The following DPP6 variants were observed in gnomAD, a reference collection of about 807,000 sequenced individuals.
DPP6 encodes the protein A-type potassium channel modulatory protein DPP6.
In DPP6, 69 loss-of-function variants were observed where a neutral mutation model predicts 122.6. The ratio of observed to expected loss-of-function variants is 0.56; its 90% CI spans 0.46 to 0.69. DPP6 has a LOEUF of 0.69. Among genes scored for constraint, DPP6 ranks in the 30% least tolerant of loss-of-function variants. The pLI, the probability that DPP6 is intolerant of heterozygous loss-of-function variation, is 0.00. For synonymous variants in DPP6, 418 were observed against 433.1 expected (o/e 0.97, Z 0.43); for missense variants, 928 against 1,116.9 (o/e 0.83, Z 2.41).
chr7:154,192,827 G>A (rs904200856), intron 1 of DPP6, among the ~76,000 whole-genome samples: 22 of 152,316 alleles, frequency 1.4e-4, no homozygotes, highest in Middle Eastern at 3.4e-3. Context: ...AGCAGGTGGC[G>A]GGGAGTTGGC....
In DPP6 at chr7:154,291,334, T is replaced by G. The variant is rs191779290; in HGVS notation, c.244-154880T>G. On this transcript the variant is annotated intron_variant, in intron 1 of 25. Coordinates refer to ENST00000377770, the MANE Select transcript of DPP6 (RefSeq NM_130797.4). ...GCAAAAAGGGAAGTTGCATTCCAGT[T>G]ATCTCTGAATAAAACTTGTGATGGT... Among the ~76,000 whole-genome samples, 300 of 152,308 alleles carry G rather than the reference T, an allele frequency of 2.0e-3. 1 individual carries two copies. Among genetic ancestry groups the G allele is most frequent in the African/African-American group, 6.8e-3 (284 of 41,566 alleles).
chr7:154,239,169 G>A (rs1461967133), intron 1 of DPP6, among the ~76,000 whole-genome samples: 1 of 152,206 alleles, frequency 6.6e-6, no homozygotes, highest in Non-Finnish European at 1.5e-5. Context: ...CCGAGCTTCA[G>A]ACACTTTCTG....
intron 3 of DPP6, among the ~76,000 whole-genome samples, chr7:154,492,622 C>T (rs1489617325): frequency 6.6e-6 from 1 of 152,136 alleles, no homozygotes; most frequent in Admixed American, 6.5e-5. Flanking sequence ...CACAACCATT[C>T]CTGCTGGCTG....
intron 1 of DPP6, among the ~76,000 whole-genome samples, chr7:154,086,633 T>C (rs1239138549): frequency 6.6e-6 from 1 of 151,324 alleles, no homozygotes; most frequent in Admixed American, 6.6e-5. Flanking sequence ...TTTTTTTTTT[T>C]TTTGAGATGG....
intron 1 of DPP6, among the ~76,000 whole-genome samples, chr7:154,295,221 C>T (rs1805460246): frequency 6.6e-6 from 1 of 152,184 alleles, no homozygotes; most frequent in African/African-American, 2.4e-5. Flanking sequence ...CTCATGATTG[C>T]CTGGAGGCCA....
At chr7:154,578,876 T>G (rs1457919158) in intron 5 of DPP6, among the ~76,000 whole-genome samples, 1 of 152,198 alleles carries the variant, frequency 6.6e-6, no homozygotes, top group Non-Finnish European at 1.5e-5. Context: ...CCAATGGCAC[T>G]GCAATCTGCT....
chr7:153,808,015 A>G, the DPP6 span, among the ~76,000 whole-genome samples: 3 of 152,016 alleles, frequency 2.0e-5, no homozygotes, highest in Admixed American at 1.3e-4. Flanking sequence ...CCTTCTGAAC[A>G]GGCTTCCCAC....
chr7:154,064,383 C>T (rs2150495688), intron 1 of DPP6, among the ~76,000 whole-genome samples: 1 of 152,304 alleles, frequency 6.6e-6, no homozygotes, highest in East Asian at 1.9e-4. Context: ...TGCCTTCCCA[C>T]CTCTGGACAT....
intron 16 of DPP6, among the ~76,000 whole-genome samples, chr7:154,820,758 G>A (rs1427762225): frequency 6.6e-6 from 1 of 152,102 alleles, no homozygotes; most frequent in Non-Finnish European, 1.5e-5. Flanking sequence ...GAGAAGGAAG[G>A]GGGAAGAAAT....
rs1292270989 is a variant in DPP6, at chr7:154,671,862, A to ACACACACG, written c.762+2421_762+2422insCACACACG. 3.7e-3 allele frequency among the ~76,000 whole-genome samples: 377 copies of ACACACACG among 102,916 alleles called. 1 individual carries two copies. The highest frequency in any genetic ancestry group is 0.01 in the African/African-American group (305 of 29,682). The allele number at this position is 102,916 out of a possible 152,430, so 67.5% of individuals were successfully genotyped here. A position where few individuals can be genotyped will look rare whatever the true frequency, so the allele number is the denominator to read the frequency against. The stretch of plus-strand genomic sequence containing the variant: ...TCCTGACACCTCCCCCAACACACAC[A>ACACACACG]TGCACACACACACACACACACACAC... On this transcript the variant is annotated intron_variant, in intron 7 of 25. Transcript: ENST00000377770.
intron 1 of DPP6, among the ~76,000 whole-genome samples, chr7:154,421,130 T>G (rs923863851): frequency 6.7e-6 from 1 of 150,248 alleles, no homozygotes; most frequent in African/African-American, 2.4e-5. Context: ...GACACTCAGT[T>G]CTACATCTGT....
chr7:154,400,020 A>G (rs1815431462), intron 1 of DPP6, among the ~76,000 whole-genome samples: 1 of 152,152 alleles, frequency 6.6e-6, no homozygotes, highest in Non-Finnish European at 1.5e-5. Context: ...GAGGGAGTGC[A>G]GGTGTGTGTG....
intron 1 of DPP6, among the ~76,000 whole-genome samples, chr7:154,228,211 G>C (rs7789347): frequency 0.048 from 7,308 of 152,208 alleles, 585 homozygotes; most frequent in African/African-American, 0.17. Context: ...AATTTGGAGT[G>C]ACTTTTGTCC....
intron 1 of DPP6, among the ~76,000 whole-genome samples, chr7:154,012,373 C>T (rs1163105669): frequency 6.6e-6 from 1 of 152,156 alleles, no homozygotes. Context: ...AGTACAATAT[C>T]TGAAAAGGAA....
intron 16 of DPP6, among the ~76,000 whole-genome samples, chr7:154,842,755 A>G (rs1801650754): frequency 6.6e-6 from 1 of 152,224 alleles, no homozygotes; most frequent in Non-Finnish European, 1.5e-5. Flanking sequence ...CACCAACCAA[A>G]GTTTTTAAAG....
intron 1 of DPP6, among the ~76,000 whole-genome samples, chr7:154,264,361 T>C (rs558893070): frequency 3.1e-4 from 47 of 152,282 alleles, no homozygotes; most frequent in Middle Eastern, 3.4e-3. Context: ...AGTAGAGTTA[T>C]TTGGTGTCAC....
intron 1 of DPP6, among the ~76,000 whole-genome samples, chr7:154,316,831 T>TG (rs1462478809): frequency 6.6e-6 from 1 of 151,972 alleles, no homozygotes; most frequent in Non-Finnish European, 1.5e-5. Flanking sequence ...ATGGGGGCAA[T>TG]GGGGGGATTG....
chr7:154,677,454 ATT>A (rs893081662), intron 7 of DPP6, among the ~76,000 whole-genome samples: 4 of 152,210 alleles, frequency 2.6e-5, no homozygotes, highest in African/African-American at 9.7e-5. Context: ...AATAAAAATA[ATT>A]TTTTAAAGTA....
chr7:154,634,346 A>G (rs1383722314), intron 5 of DPP6, among the ~76,000 whole-genome samples: 1 of 151,650 alleles, frequency 6.6e-6, no homozygotes, highest in Non-Finnish European at 1.5e-5. Flanking sequence ...TGAACTCATC[A>G]TTTTTTATGG....
Sources: gnomAD v4.1 joint callset for allele counts (sites outside exome capture counted in the v4.1 genomes callset) on GRCh38, gnomAD v4.1.1 for gene constraint, MANE v1.5 for transcripts, NCBI Gene and HGNC (gene_info 2026-07-23, HGNC 2026-07-21) for gene names.